GRM5: variants seen among roughly 807,000 people sequenced by gnomAD.
The protein encoded by GRM5 is glutamate metabotropic receptor 5.
A neutral mutation model predicts 83.1 loss-of-function variants in GRM5; 19 were observed. The ratio of observed to expected loss-of-function variants is 0.23; its 90% CI spans 0.16 to 0.34. The LOEUF is 0.34. Among genes scored for constraint, GRM5 ranks in the 10% least tolerant of loss-of-function variants. GRM5 has a pLI of 1.00. For missense variants in GRM5, 1,160 were observed against 1,588.3 expected (o/e 0.73, Z 4.58); for synonymous variants, 675 against 633.6 (o/e 1.07, Z -0.98).
chr11:88,912,138 T>G (rs1487341347), intron 2 of GRM5: 2 of 252,118 alleles, frequency 7.9e-6, no homozygotes, highest in African/African-American at 4.6e-5. Flanking sequence ...ATTCAAAAAT[T>G]GAGATTGTGA....
At chr11:88,566,512 T>C (rs1942878316) in intron 8 of GRM5, among the ~76,000 whole-genome samples, 1 of 152,176 alleles carries the variant, frequency 6.6e-6, no homozygotes, top group Non-Finnish European at 1.5e-5. Flanking sequence ...CTCCTAAAGA[T>C]TTCATCTTGC....
chr11:88,519,571 A>G (rs1234194884), intron 9 of GRM5, among the ~76,000 whole-genome samples: 2 of 152,162 alleles, frequency 1.3e-5, no homozygotes, highest in Non-Finnish European at 2.9e-5. Flanking sequence ...ACAGTGTCTC[A>G]TGTATCTAAG....
chr11:88,656,816 CTA>C (rs1939777863), intron 3 of GRM5, among the ~76,000 whole-genome samples: 1 of 151,804 alleles, frequency 6.6e-6, no homozygotes, highest in African/African-American at 2.4e-5. Flanking sequence ...AGTATAATGA[CTA>C]TTTATATAAC....
At chr11:88,885,783 C>G (rs1033524599) in intron 2 of GRM5, among the ~76,000 whole-genome samples, 3 of 152,018 alleles carry the variant, frequency 2.0e-5, no homozygotes, top group African/African-American at 7.2e-5. Flanking sequence ...AAAAGCAGCC[C>G]CAAATCATTT....
At chr11:88,661,899 T>A (rs970715261) in intron 3 of GRM5, among the ~76,000 whole-genome samples, 1 of 152,014 alleles carries the variant, frequency 6.6e-6, no homozygotes, top group African/African-American at 2.4e-5. Context: ...ATGAATTAAT[T>A]CCAAAAAGAA....
intron 2 of GRM5, among the ~76,000 whole-genome samples, chr11:89,005,342 C>T (rs7126461): frequency 0.099 from 15,026 of 152,034 alleles, 2,410 homozygotes; most frequent in African/African-American, 0.34. Context: ...TTGGAAAGAG[C>T]AGAAATAACA....
At position 88,886,618 on chromosome 11, in the gene GRM5, C is replaced by A. The variant is rs187857828; in HGVS notation, c.662-36463G>T. ...CTGTCATGTGGGGCTGGAAGAAGTC[C>A]TGGTGTACCTGAGGATTTCCGGCCA... On this transcript the variant is annotated intron_variant, in intron 2 of 9. Coordinates refer to ENST00000305447, the MANE Select transcript of GRM5 (RefSeq NM_001143831.3). 4.9e-3 allele frequency among the ~76,000 whole-genome samples: 744 copies of A among 152,218 alleles called. 5 individuals carry two copies. The highest frequency in any genetic ancestry group is 0.017 in the African/African-American group (717 of 41,546).
intron 2 of GRM5, among the ~76,000 whole-genome samples, chr11:88,959,548 A>T (rs945695738): frequency 1.2e-4 from 18 of 152,196 alleles, no homozygotes; most frequent in Admixed American, 1.0e-3. Context: ...ATAGTTCTAC[A>T]GGTATAAATT....
intron 8 of GRM5, among the ~76,000 whole-genome samples, chr11:88,555,182 G>A (rs1224379826): frequency 6.6e-6 from 1 of 152,074 alleles, no homozygotes; most frequent in Admixed American, 6.6e-5. Context: ...TCATATCACT[G>A]GTGTGAGCTT....
intron 4 of GRM5, among the ~76,000 whole-genome samples, chr11:88,607,432 G>C (rs867760019): frequency 3.9e-5 from 6 of 152,178 alleles, no homozygotes; most frequent in Middle Eastern, 6.8e-3. Flanking sequence ...CTCCTGTCTA[G>C]ATTACAGCAA....
intron 3 of GRM5, among the ~76,000 whole-genome samples, chr11:88,697,999 C>G (rs1394257072): frequency 6.6e-6 from 1 of 152,174 alleles, no homozygotes; most frequent in African/African-American, 2.4e-5. Flanking sequence ...TTTTCTCCAG[C>G]TCTGCTAGCA....
chr11:88,682,567 T>C (rs1255853209), intron 3 of GRM5, among the ~76,000 whole-genome samples: 1 of 152,164 alleles, frequency 6.6e-6, no homozygotes, highest in Non-Finnish European at 1.5e-5. Flanking sequence ...AACATTTTTT[T>C]TTTTCTGTTT....
chr11:88,817,245 G>A (rs879355426), intron 3 of GRM5, among the ~76,000 whole-genome samples: 7 of 152,046 alleles, frequency 4.6e-5, no homozygotes, highest in African/African-American at 1.7e-4. Context: ...TTTTGGATAC[G>A]TTTGCTTATT....
intron 3 of GRM5, among the ~76,000 whole-genome samples, chr11:88,818,392 T>C (rs1943727257): frequency 6.6e-6 from 1 of 152,084 alleles, no homozygotes; most frequent in Non-Finnish European, 1.5e-5. Flanking sequence ...ACTATATACA[T>C]GATGATATGC....
intron 3 of GRM5, among the ~76,000 whole-genome samples, chr11:88,677,213 A>T (rs777954693): frequency 6.6e-6 from 1 of 152,148 alleles, no homozygotes; most frequent in Non-Finnish European, 1.5e-5. Flanking sequence ...TTACAGCATT[A>T]TCTAGAAGCC....
intron 2 of GRM5, among the ~76,000 whole-genome samples, chr11:89,031,802 T>G (rs1297596526): frequency 1.3e-5 from 2 of 152,016 alleles, no homozygotes; most frequent in East Asian, 3.8e-4. Context: ...CATGTATCTT[T>G]TAAAATATAT....
chr11:88,549,361 A>T (rs1241842640), intron 8 of GRM5, among the ~76,000 whole-genome samples: 2 of 151,194 alleles, frequency 1.3e-5, no homozygotes, highest in Non-Finnish European at 2.9e-5. Flanking sequence ...TTTACTTGGG[A>T]GGATCACTTT....
intron 2 of GRM5, among the ~76,000 whole-genome samples, chr11:88,928,464 GTATATA>G (rs61573444): frequency 0.59 from 68,118 of 115,452 alleles, 17,504 homozygotes; most frequent in South Asian, 0.72. Context: ...GTGTGTGTGT[GTATATA>G]TATATATATA....
At chr11:88,797,552 A>G (rs956389506) in intron 3 of GRM5, among the ~76,000 whole-genome samples, 4 of 152,232 alleles carry the variant, frequency 2.6e-5, no homozygotes, top group Non-Finnish European at 5.9e-5. Flanking sequence ...TTACTATTAA[A>G]TTATTCTAAT....
Sources: gnomAD v4.1 joint callset for allele counts (sites outside exome capture counted in the v4.1 genomes callset) on GRCh38, gnomAD v4.1.1 for gene constraint, MANE v1.5 for transcripts, NCBI Gene and HGNC (gene_info 2026-07-23, HGNC 2026-07-21) for gene names.